Variants in WWOX observed in about 807,000 individuals in gnomAD.
WWOX encodes WW domain containing oxidoreductase.
In WWOX, 69 loss-of-function variants were observed where a neutral mutation model predicts 46.2. The observed-to-expected ratio is 1.49, with a 90% CI of 1.23 to 1.82. The LOEUF is 1.82. Ranked by LOEUF, WWOX falls within the 40% of genes most tolerant of loss-of-function variation. WWOX has a pLI of 0.00. For synonymous variants in WWOX, 359 were observed against 202.6 expected, an observed-to-expected ratio of 1.77 and a Z score of -6.56; for missense variants, 919 against 542.6, an observed-to-expected ratio of 1.69 and a Z score of -6.89.
chr16:78,430,552 T>G (rs1263173732), intron 7 of WWOX, among the ~76,000 whole-genome samples: 1 of 152,148 alleles, frequency 6.6e-6, no homozygotes, highest in Non-Finnish European at 1.5e-5. Flanking sequence ...CTGCCATCCC[T>G]GCTACCATCA....
intron 6 of WWOX, among the ~76,000 whole-genome samples, chr16:78,406,722 G>T (rs537587927): frequency 6.6e-6 from 1 of 151,900 alleles, no homozygotes; most frequent in South Asian, 2.1e-4. Flanking sequence ...CTCCTCCGGG[G>T]TTCAAGCGAT....
intron 8 of WWOX, among the ~76,000 whole-genome samples, chr16:78,874,684 CTTTTTT>C (rs552696627): frequency 4.2e-4 from 35 of 83,504 alleles, no homozygotes; most frequent in African/African-American, 4.5e-4. Flanking sequence ...AGATTTTTTT[CTTTTTT>C]TTTTTTTTTT....
intron 5 of WWOX, among the ~76,000 whole-genome samples, chr16:78,330,459 TG>T (rs2080728288): frequency 6.6e-6 from 1 of 152,092 alleles, no homozygotes; most frequent in African/African-American, 2.4e-5. Flanking sequence ...TGCACTGGCG[TG>T]ATCTCAGCTC....
chr16:78,393,108 G>C (rs1200633528), intron 6 of WWOX, among the ~76,000 whole-genome samples: 3 of 152,158 alleles, frequency 2.0e-5, no homozygotes, highest in African/African-American at 7.2e-5. Context: ...CTGGAGAGGA[G>C]CCAGACTTCC....
intron 5 of WWOX, among the ~76,000 whole-genome samples, chr16:78,225,910 C>T (rs143810221): frequency 6.6e-6 from 1 of 152,112 alleles, no homozygotes; most frequent in South Asian, 2.1e-4. Context: ...TATTCTACAT[C>T]TAAATAGTGC....
chr16:78,746,387 A>G (rs1251024934), intron 8 of WWOX, among the ~76,000 whole-genome samples: 1 of 152,116 alleles, frequency 6.6e-6, no homozygotes, highest in Admixed American at 6.5e-5. Context: ...AGTCTCAGCT[A>G]CTTGGGAGGC....
chr16:78,268,975 A>G (rs1328013147), intron 5 of WWOX: 2 of 152,220 alleles, frequency 1.3e-5, no homozygotes, highest in African/African-American at 2.4e-5. Flanking sequence ...CTTCATGTTA[A>G]TATAGATGTA....
intron 8 of WWOX, among the ~76,000 whole-genome samples, chr16:78,849,336 C>T (rs988129637): frequency 2.6e-5 from 4 of 151,786 alleles, no homozygotes; most frequent in African/African-American, 9.7e-5. Flanking sequence ...TTTGGGAGGC[C>T]GAGGCGGGGG....
chr16:78,290,287 C>A (rs977993464), intron 5 of WWOX, among the ~76,000 whole-genome samples: 1 of 148,750 alleles, frequency 6.7e-6, no homozygotes, highest in African/African-American at 2.5e-5. Flanking sequence ...CGTTCCCCCC[C>A]CCACCCCCCA....
intron 8 of WWOX, among the ~76,000 whole-genome samples, chr16:78,634,793 G>C (rs909462303): frequency 6.7e-6 from 1 of 150,184 alleles, no homozygotes; most frequent in African/African-American, 2.5e-5. Context: ...CAATAGTTTA[G>C]AGGCTCAGCA....
intron 8 of WWOX, among the ~76,000 whole-genome samples, chr16:78,597,420 C>G (rs1044663645): frequency 6.6e-6 from 1 of 152,092 alleles, no homozygotes; most frequent in Non-Finnish European, 1.5e-5. Context: ...AGTGAGTGCC[C>G]GCATCAGTGG....
intron 8 of WWOX, among the ~76,000 whole-genome samples, chr16:78,953,244 G>A (rs755750563): frequency 6.7e-6 from 1 of 149,330 alleles, no homozygotes; most frequent in Non-Finnish European, 1.5e-5. Flanking sequence ...ATTCTCCTTG[G>A]TCTATATAGG....
At chr16:79,175,026 C>A (rs975922674) in intron 8 of WWOX, among the ~76,000 whole-genome samples, 9 of 152,188 alleles carry the variant, frequency 5.9e-5, no homozygotes, top group Admixed American at 2.6e-4. Context: ...TTATTAACTT[C>A]TAACCTCCCT....
chr16:78,536,288 G>C (rs1378134558), intron 8 of WWOX, among the ~76,000 whole-genome samples: 1 of 151,912 alleles, frequency 6.6e-6, no homozygotes, highest in Non-Finnish European at 1.5e-5. Context: ...TTGATTGGAG[G>C]GTCTGAGTTT....
At chr16:78,708,110 G>C (rs2048362705) in intron 8 of WWOX, among the ~76,000 whole-genome samples, 1 of 152,070 alleles carries the variant, frequency 6.6e-6, no homozygotes, top group Non-Finnish European at 1.5e-5. Flanking sequence ...AATATCACCT[G>C]AGCCCAGGAA....
At chr16:78,390,973 T>C (rs1162243951) in intron 6 of WWOX, among the ~76,000 whole-genome samples, 1 of 152,218 alleles carries the variant, frequency 6.6e-6, no homozygotes, top group Admixed American at 6.5e-5. Context: ...AGTTCCTGTG[T>C]GTATTCCCTT....
chr16:78,701,308 C>T (rs563176011), intron 8 of WWOX, among the ~76,000 whole-genome samples: 1 of 152,224 alleles, frequency 6.6e-6, no homozygotes, highest in East Asian at 1.9e-4. Context: ...AACTCCTAAG[C>T]TTAAGTGATC....
chr16:78,944,487 G>A (rs139506189), intron 8 of WWOX, among the ~76,000 whole-genome samples: 9 of 152,070 alleles, frequency 5.9e-5, no homozygotes, highest in Non-Finnish European at 1.2e-4. Flanking sequence ...GACAAAAACT[G>A]GTCCTCAAGA....
At chr16:78,226,585 C>A (rs527660439) in intron 5 of WWOX, among the ~76,000 whole-genome samples, 2 of 146,354 alleles carry the variant, frequency 1.4e-5, no homozygotes, top group Non-Finnish European at 3.0e-5. Flanking sequence ...TCCTTTCTTC[C>A]TTTATTTCTT....
Sources: gnomAD v4.1 joint callset for allele counts (sites outside exome capture counted in the v4.1 genomes callset) on GRCh38, gnomAD v4.1.1 for gene constraint, MANE v1.5 for transcripts, NCBI Gene and HGNC (gene_info 2026-07-23, HGNC 2026-07-21) for gene names.